Variants in ADH6 observed in about 807,000 individuals in gnomAD.
The protein encoded by ADH6 is alcohol dehydrogenase 6 (class V), also known as alcohol dehydrogenase 6.
ADH6 carries 34 observed loss-of-function variants against 36.5 expected under a neutral mutation model. That is an observed-to-expected ratio of 0.93 (90% CI 0.71 to 1.24). The LOEUF is 1.24. ADH6 is among the 50% of genes most tolerant of loss of function. The pLI, the probability that ADH6 is intolerant of heterozygous loss-of-function variation, is 0.00. For synonymous variants in ADH6, 161 were observed against 155.5 expected, an observed-to-expected ratio of 1.04 and a Z score of -0.26; for missense variants, 440 against 447.0, an observed-to-expected ratio of 0.98 and a Z score of 0.14.
chr4:99,204,656 TAA>T (rs28720163), intron 8 of ADH6: 3 of 1,126,994 alleles, frequency 2.7e-6, no homozygotes, highest in African/African-American at 3.3e-5. Flanking sequence ...ATATGTCATG[TAA>T]AAAAAAAATC....
intron 8 of ADH6, 97 bp from the exon 9 acceptor site, chr4:99,204,340 A>ACTC: frequency 6.6e-7 from 1 of 1,518,228 alleles, no homozygotes; most frequent in Non-Finnish European, 8.7e-7. Flanking sequence ...AGTAAACTAG[A>ACTC]TTTTTTTTCT....
rs536756754 is a variant in ADH6, at chr4:99,210,065, GTA to G, written c.567+15_567+16del. On this transcript the variant is annotated intron_variant, in intron 5 of 8. Coordinates refer to ENST00000394899, the MANE Select transcript of ADH6 (RefSeq NM_001102470.2). ...ATCCCAATAATTCCCTTCCAAATGGGTATAAATGCCCCTCACCTTGGCAGTAT... is the reference window on the plus strand; with the variant it reads ...ATCCCAATAATTCCCTTCCAAATGGGTAAATGCCCCTCACCTTGGCAGTAT... The G allele has an allele frequency of 6.5e-5, 105 of 1,610,216 alleles. No homozygotes were observed. In the African/African-American group the frequency reaches 1.2e-3, roughly 19 times the overall value.
At chr4:99,204,512 T>G in intron 8 of ADH6, 1 of 1,287,908 alleles carries the variant, frequency 7.8e-7, no homozygotes, top group Non-Finnish European at 9.8e-7. Flanking sequence ...AAGATAGGAT[T>G]CAGAATTAGG....
chr4:99,213,804 G>C lies in ADH6; in HGVS notation c.121-57C>G, dbSNP rs112155081. 1,343 of 1,454,328 alleles carry C rather than the reference G, an allele frequency of 9.2e-4. 9 individuals are homozygous for C. In the African/African-American group the frequency reaches 0.016, roughly 18 times the overall value. 90.1% of individuals were successfully genotyped at this position (1,454,328 alleles called of 1,614,324 possible). On this transcript the variant is annotated intron_variant, in intron 2 of 8. Coordinates refer to ENST00000394899, the MANE Select transcript of ADH6 (RefSeq NM_001102470.2). ...CGCTGTTTCAGATAATGGTGTTTTA[G>C]AGTTGTTGACTGTAAGGCTTTTTGC...
chr4:99,213,629 T>C lies in ADH6; in HGVS notation c.239A>G (p.Glu80Gly), dbSNP rs141550200. 3 of 1,612,460 alleles carry C rather than the reference T, an allele frequency of 1.9e-6. No homozygotes were observed. The highest frequency in any genetic ancestry group is 2.5e-6 in the Non-Finnish European group (3 of 1,179,476). Reference sequence around the variant, plus strand: ...ACCTGGTTTCACTGTGCTTACTCCTTCTCCAATACTCTCAACGATTCCAGC... The same window carrying C: ...ACCTGGTTTCACTGTGCTTACTCCTCCTCCAATACTCTCAACGATTCCAGC... ...EGAGIVESIG[E>G]GVSTVKPGDK... The change falls in exon 3 of 9, where the codon GAA becomes GGA. Residue 80 changes from glutamate (E) to glycine (G), a missense_variant. Transcript: ENST00000394899.
intron 1 of ADH6, among the ~76,000 whole-genome samples, chr4:99,217,729 C>T (rs938876646): frequency 6.6e-6 from 1 of 151,990 alleles, no homozygotes; most frequent in Non-Finnish European, 1.5e-5. Context: ...GGGTAGGTAC[C>T]CAGTAGTGGG....
chr4:99,217,857 G>A (rs1402161866), intron 1 of ADH6, among the ~76,000 whole-genome samples: 1 of 152,110 alleles, frequency 6.6e-6, no homozygotes, highest in Non-Finnish European at 1.5e-5. Flanking sequence ...GGAAAAATCA[G>A]TTTTGGGGTG....
At chr4:99,216,017 G>A in intron 2 of ADH6, 144 bp downstream of exon 2, 1 of 459,246 alleles carries the variant, frequency 2.2e-6, no homozygotes, top group Non-Finnish European at 3.7e-6. Context: ...TGATGGAAAT[G>A]TTTAATGAAA....
chr4:99,209,548 T>G (rs914685852), intron 5 of ADH6, among the ~76,000 whole-genome samples: 5 of 152,266 alleles, frequency 3.3e-5, no homozygotes, highest in Admixed American at 3.3e-4. Flanking sequence ...AAGAGTTCAA[T>G]AGCAGCCCAT....
In ADH6 at chr4:99,208,870, A is replaced by G. The variant is rs1205022207; in HGVS notation, c.626T>C (p.Val209Ala). 4.3e-6 allele frequency: 7 copies of G among 1,613,776 alleles called. No homozygotes were observed. The South Asian group carries it at 4.4e-5, about 10-fold the overall frequency. The change falls in exon 6 of 9, where the codon GTC (valine) becomes GCC (alanine). Residue 209 changes from valine to alanine, a missense_variant. By Grantham distance (64) the Val-to-Ala change is moderately conservative. Transcript: ENST00000394899. Reference sequence around the variant, plus strand: ...TGCTCCTGCTGCTTTACAACCCATGACAACAGACAAGCCGACTCCTCCCAG... The same window carrying G: ...TGCTCCTGCTGCTTTACAACCCATGGCAACAGACAAGCCGACTCCTCCCAG... The part of the protein sequence containing the change: ...FGLGGVGLSV[V>A]MGCKAAGAAR...
At chr4:99,218,031 T>G (rs1731513176) in intron 1 of ADH6, among the ~76,000 whole-genome samples, 1 of 152,238 alleles carries the variant, frequency 6.6e-6, no homozygotes, top group Non-Finnish European at 1.5e-5. Context: ...TCTTATCTAT[T>G]TTTGCAGATT....
At chr4:99,204,293 T>C in intron 8 of ADH6, 50 bp from the exon 9 acceptor site, 1 of 1,588,220 alleles carries the variant, frequency 6.3e-7, no homozygotes, top group South Asian at 1.1e-5. Context: ...TAGAGCAACA[T>C]TTGTGTTTTG....
Position 99,215,249 on chromosome 4 carries a change from C to A in ADH6, c.120+912G>T, listed in dbSNP as rs150897162. Among the ~76,000 whole-genome samples the A allele has an allele frequency of 3.3e-5, 5 of 152,332 alleles. No individual in the cohort carries two copies. In the East Asian group the frequency reaches 9.7e-4, roughly 29 times the overall value. On this transcript the variant is annotated intron_variant, in intron 2 of 8. Coordinates refer to ENST00000394899, the MANE Select transcript of ADH6 (RefSeq NM_001102470.2). ...TGGAGAAGGCTCTCTGAGAAGAAGGCATGAACTGTGCAGATGAGATGACTT... is the reference window on the plus strand; with the variant it reads ...TGGAGAAGGCTCTCTGAGAAGAAGGAATGAACTGTGCAGATGAGATGACTT...
intron 1 of ADH6, among the ~76,000 whole-genome samples, chr4:99,217,945 T>C (rs1170072386): frequency 4.6e-5 from 7 of 152,174 alleles, no homozygotes; most frequent in African/African-American, 1.7e-4. Context: ...GGAGAAGTTG[T>C]TGGTGGCAAG....
chr4:99,204,540 C>T, intron 8 of ADH6: 1 of 1,232,702 alleles, frequency 8.1e-7, no homozygotes, highest in Non-Finnish European at 1.0e-6. Flanking sequence ...TGAATAATTC[C>T]TCTTCTCCCC....
chr4:99,211,870 T>G (rs888248213), intron 3 of ADH6, among the ~76,000 whole-genome samples: 8 of 152,044 alleles, frequency 5.3e-5, no homozygotes, highest in Non-Finnish European at 1.2e-4. Context: ...GAAATAAGGA[T>G]CTCAGTCCTA....
Position 99,204,012 on chromosome 4 carries a change from C to T in ADH6, c.*207G>A, listed in dbSNP as rs954399326. 17 of 545,814 alleles carry T rather than the reference C, an allele frequency of 3.1e-5. No homozygotes were observed. In the African/African-American group the frequency reaches 3.4e-4, roughly 11 times the overall value. 33.8% of individuals were successfully genotyped at this position (545,814 alleles called of 1,614,324 possible). On this transcript the variant is annotated 3_prime_UTR_variant, in exon 9 of 9. Coordinates refer to ENST00000394899, the MANE Select transcript of ADH6 (RefSeq NM_001102470.2). The stretch of plus-strand genomic sequence containing the variant: ...CCTTAATCTAGCTCTGAAAAGGAGG[C>T]TGATCCTTGGTGACACTGGGTTACG...
In ADH6 at chr4:99,218,952, A is replaced by G. The variant is rs961518913; in HGVS notation, c.18+183T>C. Among the ~76,000 whole-genome samples, 15 of 152,214 alleles carry G rather than the reference A, an allele frequency of 9.9e-5. No individual in the cohort carries two copies. The South Asian group carries it at 1.4e-3, about 15-fold the overall frequency. ...GGACATTACTTATTGAAGAGATGAA[A>G]GAACTGAGGGAAGTCAAAAGGGAAT... is the stretch of plus-strand genomic sequence containing the variant. On this transcript the variant is annotated intron_variant, in intron 1 of 8. Transcript: ENST00000394899.
intron 4 of ADH6, 58 bp from the exon 5 acceptor site, chr4:99,210,356 G>C: frequency 6.3e-7 from 1 of 1,596,610 alleles, no homozygotes; most frequent in Non-Finnish European, 8.6e-7. Context: ...AGAAAGCTTA[G>C]ATCTTCTCCA....
Sources: gnomAD v4.1 joint callset for allele counts (sites outside exome capture counted in the v4.1 genomes callset) on GRCh38, gnomAD v4.1.1 for gene constraint, MANE v1.5 for transcripts, NCBI Gene and HGNC (gene_info 2026-07-23, HGNC 2026-07-21) for gene names.